The following NAALADL2 variants were observed in gnomAD, a reference collection of about 807,000 sequenced individuals.
The protein encoded by NAALADL2 is inactive N-acetylated-alpha-linked acidic dipeptidase-like protein 2.
In NAALADL2, 76 loss-of-function variants were observed where a neutral mutation model predicts 87.2. That is an observed-to-expected ratio of 0.87 (90% CI 0.72 to 1.05). The LOEUF (loss-of-function observed/expected upper bound fraction) is 1.05, where lower values mean the gene tolerates loss of function less well. Ranked by LOEUF, NAALADL2 falls within the 50% of genes least tolerant of loss-of-function variation. The probability of loss-of-function intolerance (pLI) is 0.00; values close to 1 mark genes in which losing one functional copy is unlikely to be tolerated. For synonymous variants in NAALADL2, 354 were observed against 331.0 expected, an observed-to-expected ratio of 1.07 and a Z score of -0.75; for missense variants, 1,089 against 945.8, an observed-to-expected ratio of 1.15 and a Z score of -1.99.
chr3:175,170,342 TTTC>T (rs1734615967), intron 2 of NAALADL2, among the ~76,000 whole-genome samples: 1 of 150,628 alleles, frequency 6.6e-6, no homozygotes, highest in Non-Finnish European at 1.5e-5. Context: ...CATATATGAA[TTTC>T]TTCAAGTATT....
intron 2 of NAALADL2, among the ~76,000 whole-genome samples, chr3:174,576,776 C>A (rs1263901062): frequency 6.6e-6 from 1 of 152,194 alleles, no homozygotes; most frequent in African/African-American, 2.4e-5. Context: ...TGATAGCTTC[C>A]TTCATATTTT....
At chr3:175,085,365 A>G (rs1718676590) in intron 1 of NAALADL2, among the ~76,000 whole-genome samples, 1 of 152,200 alleles carries the variant, frequency 6.6e-6, no homozygotes, top group Admixed American at 6.5e-5. Context: ...AGTTAAGGTC[A>G]TTACTGCTTA....
intron 3 of NAALADL2, among the ~76,000 whole-genome samples, chr3:174,822,653 GA>G (rs1046201393): frequency 7.2e-5 from 11 of 152,208 alleles, no homozygotes; most frequent in African/African-American, 2.6e-4. Flanking sequence ...TGTATATATA[GA>G]TATATCACCT....
At chr3:174,444,461 G>C (rs1714894332) in intron 1 of NAALADL2, among the ~76,000 whole-genome samples, 1 of 152,188 alleles carries the variant, frequency 6.6e-6, no homozygotes, top group African/African-American at 2.4e-5. Context: ...AGAAAACTTT[G>C]TGCATTGTTG....
At chr3:175,726,721 A>G (rs1218822507) in intron 11 of NAALADL2, among the ~76,000 whole-genome samples, 1 of 152,100 alleles carries the variant, frequency 6.6e-6, no homozygotes, top group Non-Finnish European at 1.5e-5. Flanking sequence ...ATCAGATTTC[A>G]TCTCAAGTTT....
chr3:175,080,981 G>T (rs2109238458), intron 1 of NAALADL2: 2 of 152,304 alleles, frequency 1.3e-5, no homozygotes, highest in East Asian at 3.9e-4. Flanking sequence ...GGCAATAGAA[G>T]AGCCTGGAGC....
chr3:174,462,050 A>T (rs898537343), intron 1 of NAALADL2, among the ~76,000 whole-genome samples: 1 of 150,138 alleles, frequency 6.7e-6, no homozygotes, highest in African/African-American at 2.5e-5. Context: ...ATTCTTCCTC[A>T]GGTTTTTAAA....
intron 9 of NAALADL2, among the ~76,000 whole-genome samples, chr3:175,493,841 C>A (rs1260859723): frequency 6.6e-6 from 1 of 152,108 alleles, no homozygotes; most frequent in Non-Finnish European, 1.5e-5. Flanking sequence ...AATAGACATA[C>A]ACATACACAC....
At chr3:175,697,393 G>GCACACACACA (rs1249196090) in intron 11 of NAALADL2, among the ~76,000 whole-genome samples, 1 of 108,798 alleles carries the variant, frequency 9.2e-6, no homozygotes, top group African/African-American at 4.3e-5. Flanking sequence ...TGCTAAAGCT[G>GCACACACACA]CACACAGACA....
intron 1 of NAALADL2, among the ~76,000 whole-genome samples, chr3:174,491,717 T>C (rs1718204840): frequency 6.6e-6 from 1 of 152,192 alleles, no homozygotes. Context: ...ACATATCATA[T>C]CATATAGTCT....
intron 2 of NAALADL2, among the ~76,000 whole-genome samples, chr3:175,182,736 T>G (rs1736779396): frequency 6.6e-6 from 1 of 151,638 alleles, no homozygotes; most frequent in South Asian, 2.1e-4. Context: ...TTGTTTTAGT[T>G]TGACATAATA....
chr3:174,478,054 T>A (rs933433184), intron 1 of NAALADL2, among the ~76,000 whole-genome samples: 4 of 152,178 alleles, frequency 2.6e-5, no homozygotes, highest in Non-Finnish European at 5.9e-5. Flanking sequence ...GTTGGTTTTT[T>A]AAGGTAACAT....
At chr3:175,145,597 C>G (rs950364047) in intron 2 of NAALADL2, among the ~76,000 whole-genome samples, 2 of 152,036 alleles carry the variant, frequency 1.3e-5, no homozygotes, top group African/African-American at 2.4e-5. Flanking sequence ...AGAAGTAGTG[C>G]TGAACCAGGG....
intron 2 of NAALADL2, among the ~76,000 whole-genome samples, chr3:174,677,997 T>G (rs1727200260): frequency 6.6e-6 from 1 of 152,150 alleles, no homozygotes; most frequent in Admixed American, 6.6e-5. Flanking sequence ...CAGCCTCAAC[T>G]GGGCTTGTGG....
chr3:175,342,023 A>G (rs1051979537), intron 5 of NAALADL2, among the ~76,000 whole-genome samples: 3 of 152,060 alleles, frequency 2.0e-5, no homozygotes, highest in Non-Finnish European at 2.9e-5. Context: ...ATTCATATTG[A>G]TCTATATGTC....
At chr3:174,769,556 A>C (rs1714267490) in intron 3 of NAALADL2, among the ~76,000 whole-genome samples, 1 of 151,744 alleles carries the variant, frequency 6.6e-6, no homozygotes, top group Non-Finnish European at 1.5e-5. Flanking sequence ...CTGGAGTATT[A>C]GAACATTCTA....
intron 5 of NAALADL2, among the ~76,000 whole-genome samples, chr3:175,446,908 T>C (rs1720802858): frequency 6.6e-6 from 1 of 152,190 alleles, no homozygotes. Flanking sequence ...TATTACTATC[T>C]ATTCTCCTGG....
intron 1 of NAALADL2, among the ~76,000 whole-genome samples, chr3:174,864,661 T>G (rs1418980515): frequency 1.3e-5 from 2 of 152,116 alleles, no homozygotes; most frequent in African/African-American, 2.4e-5. Flanking sequence ...TTTTGAATTT[T>G]TCTTTGAACA....
intron 1 of NAALADL2, among the ~76,000 whole-genome samples, chr3:175,022,094 C>T (rs1751636508): frequency 6.6e-6 from 1 of 152,016 alleles, no homozygotes; most frequent in African/African-American, 2.4e-5. Context: ...ACGTGACACA[C>T]CTACTCTCCT....
Sources: gnomAD v4.1 joint callset for allele counts (sites outside exome capture counted in the v4.1 genomes callset) on GRCh38, gnomAD v4.1.1 for gene constraint, MANE v1.5 for transcripts, NCBI Gene and HGNC (gene_info 2026-07-23, HGNC 2026-07-21) for gene names.